The following LMO4 variants were observed in gnomAD, a reference collection of about 807,000 sequenced individuals.
The protein encoded by LMO4 is LIM domain transcription factor LMO4.
LMO4 carries 3 observed loss-of-function variants against 18.5 expected under a neutral mutation model. That is an observed-to-expected ratio of 0.16 (90% CI 0.07 to 0.42). The LOEUF (loss-of-function observed/expected upper bound fraction) is 0.42. Among genes scored for constraint, LMO4 ranks in the 10% least tolerant of loss-of-function variants. The pLI, the probability that LMO4 is intolerant of heterozygous loss-of-function variation, is 0.99. For synonymous variants in LMO4, 100 were observed against 88.1 expected, an observed-to-expected ratio of 1.14 and a Z score of -0.76; for missense variants, 121 against 219.9, an observed-to-expected ratio of 0.55 and a Z score of 2.84.
chr1:87,348,846 C>T lies in LMO4; in HGVS notation c.*4050C>T, dbSNP rs903884840. On this transcript the variant is annotated 3_prime_UTR_variant, in exon 5 of 5. Transcript: ENST00000370544. ...CTCAAGCCAATAATGTACTACAGGC[C>T]CTGACATGTTACAGCTGTGTAAACA... 7.2e-5 allele frequency: 34 copies of T among 471,562 alleles called. No individual in the cohort carries two copies. The highest frequency in any genetic ancestry group is 4.3e-6 in the Non-Finnish European group (1 of 234,784). 29.2% of individuals were successfully genotyped at this position (471,562 alleles called of 1,614,324 possible).
rs1018622138 is a variant in LMO4 at position 87,332,064 on chromosome 1, T to C, written c.49T>C (p.Ser17Pro). The change falls in exon 2 of 5, where the codon TCC (serine) becomes CCC (proline). Residue 17 changes from serine (S) to proline (P), a missense_variant. Physicochemically the swap from Ser to Pro is moderately conservative, Grantham distance 74. This residue lies in a region of LMO4 where 51 missense variants were observed against 56.8 expected (regional missense o/e 0.90). Transcript: ENST00000370544. ...GCAGCCGCCCCCGGTGACGGCCGGC[T>C]CCCTCTCCTGGAAGCGGTGCGCAGG... ...SSQPPPVTAG[S>P]LSWKRCAGCG... 5.0e-6 allele frequency: 8 copies of C among 1,613,424 alleles called. No homozygotes were observed. The African/African-American group carries it at 1.1e-4, about 22-fold the overall frequency.
intron 1 of LMO4, among the ~76,000 whole-genome samples, chr1:87,329,829 C>A (rs1450714535): frequency 2.6e-5 from 4 of 152,112 alleles, no homozygotes; most frequent in African/African-American, 9.7e-5. Context: ...AAATTGCCAG[C>A]GTTACGTTTG....
At chr1:87,343,210 G>A (rs952002092) in intron 4 of LMO4, among the ~76,000 whole-genome samples, 1 of 152,162 alleles carries the variant, frequency 6.6e-6, no homozygotes, top group Non-Finnish European at 1.5e-5. Context: ...CCCAGGGTCT[G>A]GGCTGTGTAG....
At chr1:87,335,338 C>A (rs1650274857) in intron 2 of LMO4, among the ~76,000 whole-genome samples, 1 of 152,120 alleles carries the variant, frequency 6.6e-6, no homozygotes, top group Admixed American at 6.5e-5. Flanking sequence ...CGAGGAAACG[C>A]GCCGGAAGCC....
Position 87,331,720 on chromosome 1 carries a change from C to A in LMO4, c.-3-293C>A, listed in dbSNP as rs758528037. 1,038 of 415,706 alleles carry A rather than the reference C, an allele frequency of 2.5e-3. 3 individuals carry two copies. Among genetic ancestry groups the A allele is most frequent in the Non-Finnish European group, 3.3e-3 (777 of 233,830 alleles). The allele number at this position is 415,706 out of a possible 1,614,324, so 25.8% of individuals were successfully genotyped here. ...TGGAGCGCGCAGCGGAGCCTGCTCT[C>A]GGAGTTTTGACAGTACCGGAGCTGA... On this transcript the variant is annotated intron_variant, in intron 1 of 4. Transcript: ENST00000370544.
chr1:87,348,608 C>T lies in LMO4; in HGVS notation c.*3812C>T. 1 of 442,846 alleles carries T rather than the reference C, an allele frequency of 2.3e-6. No homozygotes were observed. The highest frequency in any genetic ancestry group is 1.6e-5 in the South Asian group (1 of 62,806). 27.4% of individuals were successfully genotyped at this position (442,846 alleles called of 1,614,324 possible). A position where few individuals can be genotyped will look rare whatever the true frequency, so the allele number is the denominator to read the frequency against. The stretch of plus-strand genomic sequence containing the variant: ...GATGCTGGGTACCTAGTTAAAGAGG[C>T]ATTTGTAGCCCTCTGCTCCCATCGT... On this transcript the variant is annotated 3_prime_UTR_variant, in exon 5 of 5. Coordinates refer to ENST00000370544, the MANE Select transcript of LMO4 (RefSeq NM_006769.4).
In LMO4 at chr1:87,340,226, A is replaced by C. The variant is rs764739947; in HGVS notation, c.489+24A>C. On this transcript the variant is annotated intron_variant, in intron 4 of 4. Transcript: ENST00000370544. ...AGGTGAATACCCAGCAATTACTAAT[A>C]AGCTTTATTAGAGCAAGTTGGAAGG... is the stretch of plus-strand genomic sequence containing the variant. 10 of 1,611,660 alleles carry C rather than the reference A, an allele frequency of 6.2e-6. No individual in the cohort carries two copies. The Admixed American group carries it at 1.7e-4, about 27-fold the overall frequency.
intron 1 of LMO4, chr1:87,331,688 C>A: frequency 2.9e-6 from 1 of 341,386 alleles, no homozygotes; most frequent in Non-Finnish European, 5.3e-6. Context: ...GGAGGTGCCG[C>A]GAGGGGTGGA....
At chr1:87,337,090 C>CT (rs1390062586) in intron 2 of LMO4, among the ~76,000 whole-genome samples, 1 of 152,170 alleles carries the variant, frequency 6.6e-6, no homozygotes, top group African/African-American at 2.4e-5. Context: ...AGTTATTCTG[C>CT]TCTGAGGCAG....
intron 1 of LMO4, among the ~76,000 whole-genome samples, chr1:87,330,793 G>A (rs1162350055): frequency 6.6e-6 from 1 of 152,200 alleles, no homozygotes; most frequent in Non-Finnish European, 1.5e-5. Context: ...CTGCTTAATT[G>A]GCAGTAAATA....
intron 1 of LMO4, 167 bp from the exon 2 acceptor site, chr1:87,331,846 C>A (rs978498444): frequency 6.8e-6 from 4 of 591,488 alleles, no homozygotes; most frequent in Admixed American, 3.1e-5. Context: ...GCGAGCCTCC[C>A]TTCTTCCCTC....
In LMO4 at chr1:87,333,671, CAGGA is replaced by C. The variant is rs1264970111; in HGVS notation, c.236+1424_236+1427del. On this transcript the variant is annotated intron_variant, in intron 2 of 4. Transcript: ENST00000370544. ...TCAATCAGTCCAAGTAAAAGAAATA[CAGGA>C]AGGGAGAGGGCTTTTATTTTTAAAT... 2.0e-5 allele frequency among the ~76,000 whole-genome samples: 3 copies of C among 152,128 alleles called. No individual in the cohort carries two copies. In the East Asian group the frequency reaches 5.8e-4, roughly 29 times the overall value.
In LMO4 at chr1:87,338,430, T is replaced by G. The variant is rs75665681; in HGVS notation, c.237-1106T>G. Among the ~76,000 whole-genome samples, 655 of 152,364 alleles carry G rather than the reference T, an allele frequency of 4.3e-3. 4 individuals are homozygous for G. Among genetic ancestry groups the G allele is most frequent in the African/African-American group, 0.013 (549 of 41,580 alleles). On this transcript the variant is annotated intron_variant, in intron 2 of 4. Transcript: ENST00000370544. ...TTGAAAACTACCTCTCTGATTCTGCTTACTTGTTCCGACACCACCTTTCAA... is the reference window on the plus strand; with the variant it reads ...TTGAAAACTACCTCTCTGATTCTGCGTACTTGTTCCGACACCACCTTTCAA...
At chr1:87,343,040 A>G (rs550995245) in intron 4 of LMO4, among the ~76,000 whole-genome samples, 4 of 152,254 alleles carry the variant, frequency 2.6e-5, no homozygotes, top group African/African-American at 9.6e-5. Context: ...AATCAATTAC[A>G]TTTTTGGTGT....
intron 2 of LMO4, among the ~76,000 whole-genome samples, chr1:87,336,968 T>A (rs951908040): frequency 2.7e-5 from 4 of 148,102 alleles, no homozygotes; most frequent in Non-Finnish European, 5.9e-5. Flanking sequence ...CACAGAAACG[T>A]TGTGAAAAAA....
intron 1 of LMO4, among the ~76,000 whole-genome samples, chr1:87,329,626 C>T (rs537039204): frequency 2.4e-3 from 369 of 151,988 alleles, no homozygotes; most frequent in Non-Finnish European, 4.0e-3. Context: ...AGTCACGATA[C>T]CCCCCCTCCC....
intron 2 of LMO4, among the ~76,000 whole-genome samples, chr1:87,333,613 A>G (rs778298954): frequency 6.6e-6 from 1 of 152,234 alleles, no homozygotes; most frequent in African/African-American, 2.4e-5. Flanking sequence ...AGTTATTTTG[A>G]TAATGCAACC....
At chr1:87,343,458 T>C (rs991908936) in intron 4 of LMO4, among the ~76,000 whole-genome samples, 6 of 152,200 alleles carry the variant, frequency 3.9e-5, no homozygotes, top group East Asian at 1.9e-4. Context: ...TAATTTTTTC[T>C]TTTGTAGATT....
Position 87,332,027 on chromosome 1 carries a change from G to C in LMO4, c.12G>C (p.Pro4=), listed in dbSNP as rs759235033. The change falls in exon 2 of 5, where the codon CCG becomes CCC. Residue 4 remains proline (P), a synonymous_variant. Transcript: ENST00000370544. The stretch of plus-strand genomic sequence containing the variant: ...GCCCTCTGCAGACCATGGTGAATCC[G>C]GGCAGCAGCTCGCAGCCGCCCCCGG... MVN[P]GSSSQPPPVT... is the part of the protein sequence containing the mutation. The C allele has an allele frequency of 4.3e-5, 70 of 1,611,970 alleles. No homozygotes were observed. In the South Asian group the frequency reaches 6.8e-4, roughly 16 times the overall value.
Sources: gnomAD v4.1 joint callset for allele counts (sites outside exome capture counted in the v4.1 genomes callset) on GRCh38, gnomAD v4.1.1 for gene constraint, gnomAD v4.1.1 regional missense constraint, MANE v1.5 for transcripts, NCBI Gene and HGNC (gene_info 2026-07-23, HGNC 2026-07-21) for gene names.